Variants in CEP350 observed in about 807,000 individuals in gnomAD.
The protein encoded by CEP350 is centrosome-associated protein 350.
In CEP350, 126 loss-of-function variants were observed where a neutral mutation model predicts 331.8. That is an observed-to-expected ratio of 0.38 (90% CI 0.33 to 0.44). The LOEUF is 0.44. Ranked by LOEUF, CEP350 falls within the 20% of genes least tolerant of loss-of-function variation. CEP350 has a pLI of 1.00. For synonymous variants in CEP350, 1,200 were observed against 1,259.5 expected (o/e 0.95, Z 1.00); for missense variants, 3,406 against 3,634.6 (o/e 0.94, Z 1.62).
chr1:179,970,770 T>C (rs1352680695), intron 1 of CEP350, among the ~76,000 whole-genome samples: 1 of 152,214 alleles, frequency 6.6e-6, no homozygotes, highest in Non-Finnish European at 1.5e-5. Context: ...TAGAAGATAA[T>C]TGAGAATTGG....
At position 180,112,948 on chromosome 1, in the gene CEP350, A is replaced by G. The variant is rs1661530511; in HGVS notation, c.*1787A>G. 1 of 152,620 alleles carries G rather than the reference A, an allele frequency of 6.6e-6. No homozygotes were observed. The highest frequency in any genetic ancestry group is 6.5e-5 in the Admixed American group (1 of 15,272). The allele number at this position is 152,620 out of a possible 1,614,324, so 9.5% of individuals were successfully genotyped here. On this transcript the variant is annotated 3_prime_UTR_variant, in exon 38 of 38. Transcript: ENST00000367607. Reference sequence around the variant, plus strand: ...CTTGACAAATAAGGAAAGCACTGAAATGTTGTGATTGGGTCTCGGGAAATG... The same window carrying G: ...CTTGACAAATAAGGAAAGCACTGAAGTGTTGTGATTGGGTCTCGGGAAATG...
chr1:180,009,348 G>A (rs759582010), intron 8 of CEP350, among the ~76,000 whole-genome samples: 21 of 152,322 alleles, frequency 1.4e-4, no homozygotes, highest in African/African-American at 3.6e-4. Flanking sequence ...TTCATGTGGC[G>A]TTATGTAATA....
intron 1 of CEP350, among the ~76,000 whole-genome samples, chr1:179,964,980 AG>A (rs1286411506): frequency 6.6e-6 from 1 of 151,406 alleles, no homozygotes; most frequent in Non-Finnish European, 1.5e-5. Context: ...GGTTCCTTTA[AG>A]TTCAACTTTA....
chr1:180,045,880 A>G (rs1212470784), intron 21 of CEP350, among the ~76,000 whole-genome samples: 6 of 152,160 alleles, frequency 3.9e-5, no homozygotes, highest in African/African-American at 1.4e-4. Flanking sequence ...CTCTAGCCCC[A>G]TCTCTTGGCA....
Position 180,037,108 on chromosome 1 carries a change from A to G in CEP350, c.4110+19A>G. The G allele has an allele frequency of 6.5e-7, 1 of 1,544,354 alleles. No individual in the cohort carries two copies. Among genetic ancestry groups the G allele is most frequent in the Non-Finnish European group, 8.7e-7 (1 of 1,150,486 alleles). On this transcript the variant is annotated intron_variant, in intron 17 of 37. Coordinates refer to ENST00000367607, the MANE Select transcript of CEP350 (RefSeq NM_014810.5). ...AATAAAGGTATTTTTGGAGTTTTTT[A>G]GCTTTCTGTGGTTTTTCTTTTTTCT...
At chr1:180,062,118 T>C (rs1478455749) in intron 25 of CEP350, 102 bp from the exon 26 acceptor site, 36 of 1,036,582 alleles carry the variant, frequency 3.5e-5, no homozygotes, top group Non-Finnish European at 4.4e-5. Context: ...TAAAATACTA[T>C]ATGTATTTAT....
rs751739895 is a variant in CEP350 at position 180,020,550 on chromosome 1, A to G, written c.2776A>G (p.Ile926Val). The change falls in exon 12 of 38, where the codon ATA becomes GTA. Residue 926 changes from isoleucine to valine, a missense_variant. This residue lies in a region of CEP350 where 1,857 missense variants were observed against 1,909.2 expected (regional missense o/e 0.97). Coordinates refer to ENST00000367607, the MANE Select transcript of CEP350 (RefSeq NM_014810.5). ...LSEFKKLPEMIRPQSAISSFR... is the reference protein window; with the variant it reads ...LSEFKKLPEMVRPQSAISSFR... ...TGAATTTAAAAAGCTTCCTGAGATG[A>G]TAAGACCACAGAGTGCCATATCAAG... is the stretch of plus-strand genomic sequence containing the variant. 18 of 1,613,926 alleles carry G rather than the reference A, an allele frequency of 1.1e-5. No individual in the cohort carries two copies. Among genetic ancestry groups the G allele is most frequent in the African/African-American group, 5.3e-5 (4 of 74,942 alleles).
At chr1:179,975,141 C>T (rs1184295407) in intron 1 of CEP350, among the ~76,000 whole-genome samples, 1 of 151,800 alleles carries the variant, frequency 6.6e-6, no homozygotes, top group African/African-American at 2.4e-5. Flanking sequence ...GCATTCTTGC[C>T]AGATAAAATT....
chr1:180,105,728 T>A (rs1345848520), intron 37 of CEP350, among the ~76,000 whole-genome samples: 1 of 152,226 alleles, frequency 6.6e-6, no homozygotes, highest in Non-Finnish European at 1.5e-5. Context: ...TGGTGATTCT[T>A]TTATCAAAAT....
chr1:180,002,803 C>G (rs1261668054), intron 6 of CEP350, among the ~76,000 whole-genome samples: 2 of 152,096 alleles, frequency 1.3e-5, no homozygotes, highest in African/African-American at 4.8e-5. Flanking sequence ...GATGGTTGAA[C>G]CTTGAAAACA....
intron 11 of CEP350, 79 bp downstream of exon 11, chr1:180,016,049 T>A: frequency 6.5e-7 from 1 of 1,541,570 alleles, no homozygotes; most frequent in Non-Finnish European, 8.8e-7. Flanking sequence ...GAGAATTTTG[T>A]TGACTTTTGT....
intron 25 of CEP350, among the ~76,000 whole-genome samples, chr1:180,056,829 C>T (rs111421136): frequency 8.1e-4 from 123 of 152,120 alleles, no homozygotes; most frequent in African/African-American, 2.7e-3. Context: ...GACCTTTTGA[C>T]CATTTGCCAC....
chr1:179,955,108 A>G lies in CEP350; in HGVS notation c.-48A>G. 6.8e-7 allele frequency: 1 copy of G among 1,473,356 alleles called. No individual in the cohort carries two copies. 91.3% of individuals were successfully genotyped at this position (1,473,356 alleles called of 1,614,324 possible). On this transcript the variant is annotated 5_prime_UTR_variant, in exon 1 of 38. Coordinates refer to ENST00000367607, the MANE Select transcript of CEP350 (RefSeq NM_014810.5). The stretch of plus-strand genomic sequence containing the variant: ...CCCTCCGCCAGGCTCCGCGGGATGC[A>G]CCGTGGTAGCCGAGGGCGGAGGCGA...
chr1:179,986,289 C>T (rs946041596), intron 2 of CEP350, 35 bp downstream of exon 2: 3 of 1,424,884 alleles, frequency 2.1e-6, no homozygotes, highest in Non-Finnish European at 2.9e-6. Flanking sequence ...AACTTAATAC[C>T]TCATTTAGGT....
Position 180,037,040 on chromosome 1 carries a change from G to A in CEP350, c.4061G>A (p.Gly1354Asp), listed in dbSNP as rs528631741. The change falls in exon 17 of 38, where the codon GGC becomes GAC. Residue 1354 changes from glycine (G) to aspartate (D), a missense_variant. Physicochemically the swap from Gly to Asp is moderately conservative, Grantham distance 94. This residue lies in a region of CEP350 where 1,857 missense variants were observed against 1,909.2 expected (regional missense o/e 0.97). Coordinates refer to ENST00000367607, the MANE Select transcript of CEP350 (RefSeq NM_014810.5). ...RQLSDVERVR[G>D]ISLAQQESVS... ...CTGTCAGATGTAGAAAGAGTTAGAG[G>A]CATTTCACTTGCTCAGCAGGAGAGT... 1.4e-5 allele frequency: 23 copies of A among 1,605,464 alleles called. No individual in the cohort carries two copies. The African/African-American group carries it at 3.1e-4, about 21-fold the overall frequency.
chr1:179,986,927 G>T (rs991933054), intron 2 of CEP350, among the ~76,000 whole-genome samples: 1 of 152,116 alleles, frequency 6.6e-6, no homozygotes, highest in Non-Finnish European at 1.5e-5. Context: ...TATTTGTTCA[G>T]CTCATTGGGG....
Position 180,020,387 on chromosome 1 carries a change from A to C in CEP350, c.2613A>C (p.Gly871=). ...YDVQQAPQED[G]PWTKAVTPPV... ...TGCAGCAGGCACCTCAAGAAGATGG[A>C]CCTTGGACCAAGGCTGTAACTCCAC... The change falls in exon 12 of 38, where the codon GGA becomes GGC. Residue 871 remains glycine, a synonymous_variant. Transcript: ENST00000367607. The C allele has an allele frequency of 1.9e-6, 3 of 1,613,794 alleles. No homozygotes were observed. Among genetic ancestry groups the C allele is most frequent in the Non-Finnish European group, 2.5e-6 (3 of 1,179,884 alleles).
chr1:179,966,903 G>A (rs1353883493), intron 1 of CEP350, among the ~76,000 whole-genome samples: 1 of 152,160 alleles, frequency 6.6e-6, no homozygotes, highest in African/African-American at 2.4e-5. Flanking sequence ...AGTCCAGTGG[G>A]TACCTTGCTT....
rs1655216391 is a variant in CEP350 at position 180,019,970 on chromosome 1, A to G, written c.2196A>G (p.Thr732=). 2 of 1,606,232 alleles carry G rather than the reference A, an allele frequency of 1.2e-6. No homozygotes were observed. Among genetic ancestry groups the G allele is most frequent in the South Asian group, 1.1e-5 (1 of 90,260 alleles). ...PLARKDLMES[T]WMQPERLSPQ... Reference sequence around the variant, plus strand: ...CCAGAAAAGACTTGATGGAATCTACATGGATGCAGCCTGAAAGATTGAGCC... The same window carrying G: ...CCAGAAAAGACTTGATGGAATCTACGTGGATGCAGCCTGAAAGATTGAGCC... Residue 732 remains threonine (T), a synonymous_variant, in exon 12 of 38, where the codon ACA becomes ACG. Transcript: ENST00000367607.
Sources: allele counts gnomAD v4.1 joint callset (sites outside exome capture counted in the v4.1 genomes callset), GRCh38; gene constraint gnomAD v4.1.1; regional missense constraint gnomAD v4.1.1; transcripts MANE v1.5; gene names NCBI Gene and HGNC (gene_info 2026-07-23, HGNC 2026-07-21).